TRMT2B: variants seen among roughly 807,000 people sequenced by gnomAD.
TRMT2B encodes tRNA methyltransferase 2B.
A neutral mutation model predicts 39.7 loss-of-function variants in TRMT2B; 34 were observed. The observed-to-expected ratio is 0.86, with a 90% CI of 0.65 to 1.14. TRMT2B has a LOEUF of 1.14. Among genes scored for constraint, TRMT2B ranks in the 50% most tolerant of loss-of-function variants. TRMT2B has a pLI of 0.00. For missense variants in TRMT2B, 318 were observed against 377.2 expected, an observed-to-expected ratio of 0.84 and a Z score of 1.30; for synonymous variants, 132 against 137.3, an observed-to-expected ratio of 0.96 and a Z score of 0.27.
At chrX:100,984,429 G>A in the TRMT2B span, among the ~76,000 whole-genome samples, 2 of 111,555 alleles carry the variant, frequency 1.8e-5, no homozygotes, top group African/African-American at 6.5e-5. Context: ...GCGAGCCACC[G>A]TGCCCAGCCA....
the TRMT2B span, among the ~76,000 whole-genome samples, chrX:100,994,010 G>A: frequency 8.9e-6 from 1 of 111,994 alleles, no homozygotes; most frequent in Non-Finnish European, 1.9e-5. Flanking sequence ...TGTTGATTTA[G>A]GGAAGGAGCT....
At position 101,021,158 on chromosome X, in the gene TRMT2B, C is replaced by T. The variant is rs56176072; in HGVS notation, c.1009G>A (p.Gly337Arg). 77,610 of 1,209,283 alleles carry T rather than the reference C, an allele frequency of 0.064. 2,069 individuals carry two copies. Among genetic ancestry groups the T allele is most frequent in the Non-Finnish European group, 0.076 (68,339 of 895,010 alleles). Reference protein sequence around the residue: ...AGAEMLYRTVGELTGVNSDTI... With the variant: ...AGAEMLYRTVRELTGVNSDTI... ...TCAGAGTTCACTCCAGTCAGCTCCCCCACAGTCCGATACAGCATCTCTGCA... is the reference window on the plus strand; with the variant it reads ...TCAGAGTTCACTCCAGTCAGCTCCCTCACAGTCCGATACAGCATCTCTGCA... The change falls in exon 10 of 14, where the codon GGG becomes AGG. Residue 337 changes from glycine to arginine, a missense_variant. Physicochemically the swap from Gly to Arg is moderately radical, Grantham distance 125. Coordinates refer to ENST00000372936, the MANE Select transcript of TRMT2B (RefSeq NM_024917.6).
the TRMT2B span, among the ~76,000 whole-genome samples, chrX:100,974,699 C>T: frequency 1.8e-5 from 2 of 111,285 alleles, no homozygotes; most frequent in East Asian, 2.8e-4. Context: ...TCGTCAGTTC[C>T]GATATGTCCA....
intron 4 of TRMT2B, among the ~76,000 whole-genome samples, chrX:101,039,117 G>A (rs2088053589): frequency 9.1e-6 from 1 of 109,574 alleles, no homozygotes; most frequent in Admixed American, 9.9e-5. Flanking sequence ...CACCCAGGCT[G>A]GAGTGCAGTG....
chrX:100,974,702 T>C, the TRMT2B span, among the ~76,000 whole-genome samples: 1 of 111,613 alleles, frequency 9.0e-6, no homozygotes, highest in South Asian at 3.7e-4. Context: ...TCAGTTCCGA[T>C]ATGTCCAAGT....
chrX:101,014,866 C>T (rs771433101), intron 13 of TRMT2B, among the ~76,000 whole-genome samples: 2 of 110,086 alleles, frequency 1.8e-5, no homozygotes, highest in African/African-American at 6.6e-5. Flanking sequence ...GGGTGAAGTA[C>T]GCGGGGAAAG....
chrX:101,000,641 C>T, the TRMT2B span, among the ~76,000 whole-genome samples: 1 of 109,837 alleles, frequency 9.1e-6, no homozygotes. Context: ...AGCAGAAAGA[C>T]AAGCTATCTG....
chrX:101,005,880 C>CAAAAAAAAA (rs370275736), downstream of TRMT2B, among the ~76,000 whole-genome samples: 1 of 64,268 alleles, frequency 1.6e-5, no homozygotes. Context: ...GATTCCCACT[C>CAAAAAAAAA]AAAAAAAAAA....
intron 7 of TRMT2B, among the ~76,000 whole-genome samples, chrX:101,025,533 C>CA (rs1347428675): frequency 6.3e-5 from 7 of 111,660 alleles, no homozygotes; most frequent in Admixed American, 9.6e-5. Flanking sequence ...GGGAATTATA[C>CA]AAAAAAACAG....
At chrX:100,977,712 A>G in the TRMT2B span, among the ~76,000 whole-genome samples, 1 of 111,832 alleles carries the variant, frequency 8.9e-6, no homozygotes, top group Non-Finnish European at 1.9e-5. Flanking sequence ...CCATGAGTTC[A>G]ATTATTTTAC....
At chrX:101,032,021 G>T (rs763200001) in intron 7 of TRMT2B, among the ~76,000 whole-genome samples, 1 of 110,903 alleles carries the variant, frequency 9.0e-6, no homozygotes, top group Non-Finnish European at 1.9e-5. Context: ...GGGGACCGGG[G>T]GTGCCTATAA....
chrX:101,026,640 T>C (rs2087111179), intron 7 of TRMT2B, among the ~76,000 whole-genome samples: 1 of 111,213 alleles, frequency 9.0e-6, no homozygotes, highest in African/African-American at 3.3e-5. Context: ...CCTGTTCTTA[T>C]ATGGGAATGC....
intron 8 of TRMT2B, 57 bp from the exon 9 acceptor site, chrX:101,022,119 C>G: frequency 1.1e-6 from 1 of 888,172 alleles, no homozygotes. Flanking sequence ...CAAATTTTCT[C>G]TCTAAGCTCT....
At chrX:101,012,911 T>C (rs909380484) in intron 13 of TRMT2B, among the ~76,000 whole-genome samples, 5 of 110,449 alleles carry the variant, frequency 4.5e-5, no homozygotes, top group African/African-American at 1.6e-4. Flanking sequence ...CTCCGCCTCC[T>C]GGATTCAAGC....
the TRMT2B span, chrX:100,990,474 T>C: frequency 1.0e-6 from 1 of 988,385 alleles, no homozygotes; most frequent in Non-Finnish European, 1.3e-6. Flanking sequence ...TTCCATTTGA[T>C]AATATTTCTA....
At chrX:101,037,468 A>G in intron 5 of TRMT2B, 1 of 172,974 alleles carries the variant, frequency 5.8e-6, no homozygotes, top group Non-Finnish European at 1.1e-5. Context: ...GAATTGGCCT[A>G]AAAGCTGTAG....
At chrX:101,014,741 T>C (rs1423801184) in intron 13 of TRMT2B, among the ~76,000 whole-genome samples, 1 of 110,564 alleles carries the variant, frequency 9.0e-6, no homozygotes, top group Admixed American at 9.8e-5. Context: ...TTTCACCATG[T>C]TGCCCAGGCT....
At chrX:101,005,164 G>A (rs1445255481), downstream of TRMT2B, among the ~76,000 whole-genome samples, 2 of 111,392 alleles carry the variant, frequency 1.8e-5, no homozygotes, top group Non-Finnish European at 3.8e-5. Flanking sequence ...AGGCCAAGGT[G>A]GGTGCATCAC....
rs759508304 is a variant in TRMT2B at position 101,038,141 on chromosome X, G to A, written c.304-90C>T. 103 of 805,183 alleles carry A rather than the reference G, an allele frequency of 1.3e-4. No individual in the cohort carries two copies. The African/African-American group carries it at 1.7e-3, about 14-fold the overall frequency. The allele number at this position is 805,183 out of a possible 1,213,427, so 66.4% of individuals were successfully genotyped here. ...CCAGCACTTTGGGAGGCCGAGGTGC[G>A]TGGATCACCTGAGGTTAGGAGTTCG... On this transcript the variant is annotated intron_variant, in intron 4 of 13. Transcript: ENST00000372936.
Sources: allele counts gnomAD v4.1 joint callset (sites outside exome capture counted in the v4.1 genomes callset), GRCh38; gene constraint gnomAD v4.1.1; transcripts MANE v1.5; gene names NCBI Gene and HGNC (gene_info 2026-07-23, HGNC 2026-07-21).